Variants in ZBTB20 observed in about 807,000 individuals in gnomAD.
The protein encoded by ZBTB20 is zinc finger and BTB domain containing 20.
Under a neutral mutation model 56.9 loss-of-function variants are expected in ZBTB20, and 9 were observed. The ratio of observed to expected loss-of-function variants is 0.16; its 90% CI spans 0.10 to 0.28. ZBTB20 has a LOEUF of 0.28. Ranked by LOEUF, ZBTB20 falls within the 10% of genes least tolerant of loss-of-function variation. ZBTB20 has a pLI of 1.00. For synonymous variants in ZBTB20, 417 were observed against 420.7 expected (o/e 0.99, Z 0.11); for missense variants, 655 against 1,003.0 (o/e 0.65, Z 4.69).
chr3:114,912,100 G>C (rs1461149124), intron 3 of ZBTB20, among the ~76,000 whole-genome samples: 1 of 146,288 alleles, frequency 6.8e-6, no homozygotes, highest in Non-Finnish European at 1.5e-5. Flanking sequence ...AACCAGGAGG[G>C]AATGGAATAA....
At chr3:115,000,786 A>G (rs898495951) in intron 2 of ZBTB20, among the ~76,000 whole-genome samples, 1 of 151,562 alleles carries the variant, frequency 6.6e-6, no homozygotes, top group Non-Finnish European at 1.5e-5. Flanking sequence ...AAAGCAAACA[A>G]ACAAAAAACC....
intron 5 of ZBTB20, among the ~76,000 whole-genome samples, chr3:114,756,962 T>C (rs2068050673): frequency 6.6e-6 from 1 of 152,180 alleles, no homozygotes; most frequent in Admixed American, 6.6e-5. Flanking sequence ...ATAATGTCAA[T>C]TTTCACTTTA....
At chr3:114,461,469 G>A (rs750450893) in intron 7 of ZBTB20, among the ~76,000 whole-genome samples, 17 of 151,962 alleles carry the variant, frequency 1.1e-4, no homozygotes, top group Middle Eastern at 3.2e-3. Flanking sequence ...ACCATGCCAG[G>A]CTAATTTTTA....
intron 5 of ZBTB20, among the ~76,000 whole-genome samples, chr3:114,729,179 T>C (rs1013246591): frequency 6.6e-6 from 1 of 152,212 alleles, no homozygotes; most frequent in African/African-American, 2.4e-5. Flanking sequence ...CATTTTTCAC[T>C]AACATACTCT....
intron 6 of ZBTB20, among the ~76,000 whole-genome samples, chr3:114,608,756 T>C (rs987375020): frequency 1.3e-5 from 2 of 152,216 alleles, no homozygotes; most frequent in Non-Finnish European, 2.9e-5. Context: ...AATAAAAGCA[T>C]ATGCTTAGTC....
chr3:114,571,612 A>ATCT (rs2053448106), intron 6 of ZBTB20, among the ~76,000 whole-genome samples: 1 of 152,134 alleles, frequency 6.6e-6, no homozygotes, highest in Non-Finnish European at 1.5e-5. Flanking sequence ...AGCAGGGCCA[A>ATCT]TCTTAAGGAA....
chr3:114,985,247 A>T (rs1319530941), intron 2 of ZBTB20, among the ~76,000 whole-genome samples: 1 of 152,094 alleles, frequency 6.6e-6, no homozygotes, highest in East Asian at 1.9e-4. Context: ...AGATCTGAGT[A>T]ACGAATAAAT....
chr3:114,382,571 G>A (rs2084512435), intron 8 of ZBTB20, among the ~76,000 whole-genome samples: 1 of 151,984 alleles, frequency 6.6e-6, no homozygotes, highest in Admixed American at 6.6e-5. Flanking sequence ...TTATTAAATG[G>A]TGTCTTCATC....
intron 6 of ZBTB20, among the ~76,000 whole-genome samples, chr3:114,612,339 T>C (rs1032518689): frequency 1.3e-5 from 2 of 152,208 alleles, no homozygotes; most frequent in Non-Finnish European, 2.9e-5. Context: ...ATCTAATTAC[T>C]AGTCTCTGCA....
chr3:114,946,906 A>G (rs1437319223), intron 3 of ZBTB20, among the ~76,000 whole-genome samples: 4 of 145,614 alleles, frequency 2.7e-5, no homozygotes, highest in Non-Finnish European at 4.4e-5. Flanking sequence ...ACAAACTATC[A>G]ATCAGACAGA....
At chr3:114,726,343 G>A (rs1400284523) in intron 5 of ZBTB20, among the ~76,000 whole-genome samples, 1 of 152,094 alleles carries the variant, frequency 6.6e-6, no homozygotes, top group African/African-American at 2.4e-5. Context: ...GAACAACAGA[G>A]GGTTCTGGAT....
At chr3:114,982,100 T>C (rs1338526671) in intron 2 of ZBTB20, among the ~76,000 whole-genome samples, 4 of 152,072 alleles carry the variant, frequency 2.6e-5, no homozygotes, top group Admixed American at 6.6e-5. Context: ...TGTGGAATTA[T>C]ACAATCAAAG....
chr3:114,605,277 G>C (rs558993012), intron 6 of ZBTB20, among the ~76,000 whole-genome samples: 17 of 152,268 alleles, frequency 1.1e-4, no homozygotes, highest in African/African-American at 3.6e-4. Flanking sequence ...TTTGTATTGA[G>C]AATGCCATCT....
chr3:114,646,492 A>G (rs1441880125), intron 6 of ZBTB20, among the ~76,000 whole-genome samples: 1 of 152,168 alleles, frequency 6.6e-6, no homozygotes, highest in African/African-American at 2.4e-5. Flanking sequence ...TGGAGGTTAA[A>G]TTTGTTGTGG....
intron 7 of ZBTB20, among the ~76,000 whole-genome samples, chr3:114,408,926 T>TCGTC (rs1165318983): frequency 6.6e-6 from 1 of 152,024 alleles, no homozygotes; most frequent in Non-Finnish European, 1.5e-5. Context: ...AGAGCAGCGC[T>TCGTC]CGTCCGCCGT....
At chr3:114,360,421 T>C (rs1003581106) in intron 10 of ZBTB20, among the ~76,000 whole-genome samples, 2 of 151,086 alleles carry the variant, frequency 1.3e-5, no homozygotes, top group African/African-American at 4.9e-5. Context: ...TCCAGCTCAC[T>C]GCAACCTCTG....
chr3:114,558,923 C>T (rs2051632721), intron 6 of ZBTB20, among the ~76,000 whole-genome samples: 1 of 152,136 alleles, frequency 6.6e-6, no homozygotes, highest in Non-Finnish European at 1.5e-5. Context: ...AATGATTTTC[C>T]TTCACATCTT....
rs1374705830 is a variant in ZBTB20, at chr3:114,347,164, C to T, written c.1804+3110G>A. The stretch of plus-strand genomic sequence containing the variant: ...AACTCCTGGGCTCAAGTGATCTTCC[C>T]GCCTCAGCCTCCTGAGTATCTGGGA... On this transcript the variant is annotated intron_variant, in intron 11 of 11. Coordinates refer to ENST00000675478, the MANE Select transcript of ZBTB20 (RefSeq NM_001348800.3). Among the ~76,000 whole-genome samples the T allele has an allele frequency of 4.7e-5, 7 of 148,546 alleles. No individual in the cohort carries two copies. The South Asian group carries it at 1.3e-3, about 27-fold the overall frequency.
chr3:114,750,777 CT>C (rs1413782617), intron 5 of ZBTB20, among the ~76,000 whole-genome samples: 5 of 152,258 alleles, frequency 3.3e-5, no homozygotes, highest in African/African-American at 1.2e-4. Context: ...CAATAACAGC[CT>C]TTTGAGCTTT....
Sources: gnomAD v4.1 joint callset for allele counts (sites outside exome capture counted in the v4.1 genomes callset) on GRCh38, gnomAD v4.1.1 for gene constraint, MANE v1.5 for transcripts, NCBI Gene and HGNC (gene_info 2026-07-23, HGNC 2026-07-21) for gene names.